The following ERBB4 variants were observed in gnomAD, a reference collection of about 807,000 sequenced individuals.
ERBB4 encodes the protein receptor tyrosine-protein kinase erbB-4.
ERBB4 carries 42 observed loss-of-function variants against 158.0 expected under a neutral mutation model. The observed-to-expected ratio is 0.27, with a 90% CI of 0.21 to 0.34. The LOEUF is 0.34. Ranked by LOEUF, ERBB4 falls within the 10% of genes least tolerant of loss-of-function variation. The probability of loss-of-function intolerance (pLI) is 1.00; values close to 1 mark genes in which losing one functional copy is unlikely to be tolerated. For missense variants in ERBB4, 1,333 were observed against 1,624.1 expected, an observed-to-expected ratio of 0.82 and a Z score of 3.08; for synonymous variants, 583 against 558.7, an observed-to-expected ratio of 1.04 and a Z score of -0.61.
Position 212,381,766 on chromosome 2 carries a change from T to TA in ERBB4, c.82+156682dup, listed in dbSNP as rs1464942893. Among the ~76,000 whole-genome samples the TA allele has an allele frequency of 2.0e-5, 3 of 151,418 alleles. No homozygotes were observed. In the Admixed American group the frequency reaches 2.0e-4, roughly 10 times the overall value. On this transcript the variant is annotated intron_variant, in intron 1 of 27. Transcript: ENST00000342788. ...AATAAATTTATTCATAAATGCATTATATACCCTCACAGATAACCAAGTCTT... is the reference window on the plus strand; with the variant it reads ...AATAAATTTATTCATAAATGCATTATAATACCCTCACAGATAACCAAGTCTT...
rs558336284 is a variant in ERBB4, at chr2:211,842,257, T to G, written c.422-54098A>C. On this transcript the variant is annotated intron_variant, in intron 3 of 27. Transcript: ENST00000342788. ...ACAAAAAGGAATAAGGCTGTTGGGT[T>G]TTTTTTTGGTAGTAATTTCTGGTAG... Among the ~76,000 whole-genome samples the G allele has an allele frequency of 4.6e-5, 7 of 151,714 alleles. No homozygotes were observed. In the South Asian group the frequency reaches 1.0e-3, roughly 23 times the overall value.
At chr2:212,489,724 T>C (rs530434078) in intron 1 of ERBB4, among the ~76,000 whole-genome samples, 14 of 137,622 alleles carry the variant, frequency 1.0e-4, no homozygotes, top group African/African-American at 4.8e-4. Flanking sequence ...AATATATACA[T>C]ATATATATAT....
chr2:211,859,072 G>C (rs2077947437), intron 3 of ERBB4, among the ~76,000 whole-genome samples: 2 of 152,186 alleles, frequency 1.3e-5, no homozygotes, highest in Admixed American at 1.3e-4. Flanking sequence ...ATGAGCCACT[G>C]TGCTTGGCCG....
At chr2:211,679,946 C>T (rs2072266370) in intron 12 of ERBB4, among the ~76,000 whole-genome samples, 1 of 152,200 alleles carries the variant, frequency 6.6e-6, no homozygotes, top group Non-Finnish European at 1.5e-5. Context: ...TCCCAAAGTG[C>T]TGGGATTACA....
At chr2:212,233,959 ATTAT>A (rs1302606463) in intron 1 of ERBB4, among the ~76,000 whole-genome samples, 1 of 113,660 alleles carries the variant, frequency 8.8e-6, no homozygotes, top group East Asian at 2.1e-4. Flanking sequence ...GTCTCTTTGC[ATTAT>A]TTATTATTAT....
At chr2:212,115,054 T>C (rs1384306226) in intron 2 of ERBB4, among the ~76,000 whole-genome samples, 1 of 152,184 alleles carries the variant, frequency 6.6e-6, no homozygotes, top group Non-Finnish European at 1.5e-5. Flanking sequence ...CATATTCTTA[T>C]TTTCAGGTAG....
chr2:212,460,098 C>T (rs1688496661), intron 1 of ERBB4, among the ~76,000 whole-genome samples: 1 of 152,186 alleles, frequency 6.6e-6, no homozygotes, highest in African/African-American at 2.4e-5. Flanking sequence ...GCTCTCTCTC[C>T]TTGCCTGCTG....
chr2:212,360,821 C>A (rs1255897833), intron 1 of ERBB4, among the ~76,000 whole-genome samples: 1 of 151,538 alleles, frequency 6.6e-6, no homozygotes, highest in Non-Finnish European at 1.5e-5. Flanking sequence ...ATGAAAAATT[C>A]AGTGATTTAG....
At chr2:211,459,598 T>C (rs2125498726) in intron 20 of ERBB4, among the ~76,000 whole-genome samples, 1 of 152,316 alleles carries the variant, frequency 6.6e-6, no homozygotes, top group South Asian at 2.1e-4. Flanking sequence ...TCACGAGGTC[T>C]GATGGTTTTA....
Position 211,788,110 on chromosome 2 carries a change from A to G in ERBB4, c.471T>C (p.Tyr157=), listed in dbSNP as rs1383993182. ...TATCTTGCCAATGAATGGTGTCTGC[A>G]TAACAAAGGAATTTGTTCTGGTCTA... The part of the protein sequence containing the change: ...VYVDQNKFLC[Y]ADTIHWQDIV... The change falls in exon 4 of 28, where the codon TAT becomes TAC. Residue 157 remains tyrosine, a synonymous_variant. Transcript: ENST00000342788. 1.2e-6 allele frequency: 2 copies of G among 1,612,600 alleles called. No homozygotes were observed. Among genetic ancestry groups the G allele is most frequent in the Non-Finnish European group, 1.7e-6 (2 of 1,178,816 alleles).
intron 4 of ERBB4, among the ~76,000 whole-genome samples, chr2:211,767,016 G>GGTGTAAA (rs1236549408): frequency 6.6e-6 from 1 of 152,002 alleles, no homozygotes; most frequent in African/African-American, 2.4e-5. Context: ...TCATTAATAG[G>GGTGTAAA]GTGTAAAGCA....
intron 1 of ERBB4, among the ~76,000 whole-genome samples, chr2:212,535,061 A>G (rs1692970010): frequency 6.6e-6 from 1 of 152,160 alleles, no homozygotes. Flanking sequence ...ACATGATTAA[A>G]ATAAATAAAA....
In ERBB4 at chr2:211,712,270, A is replaced by C; in HGVS notation, c.998-94T>G. ...CATTATAAAATAGCAGAGTATTTTT[A>C]ATTGTAACATATAAAATATATTACA... On this transcript the variant is annotated intron_variant, in intron 8 of 27. Transcript: ENST00000342788. 4 of 1,196,606 alleles carry C rather than the reference A, an allele frequency of 3.3e-6. No individual in the cohort carries two copies. In the South Asian group the frequency reaches 3.9e-5, roughly 12 times the overall value. 74.1% of individuals were successfully genotyped at this position (1,196,606 alleles called of 1,614,324 possible). A position where few individuals can be genotyped will look rare whatever the true frequency, so the allele number is the denominator to read the frequency against.
chr2:211,740,622 C>CTTTTTTTTTTTTTTTTTTTTTT (rs1169540948), intron 5 of ERBB4, among the ~76,000 whole-genome samples: 5 of 90,174 alleles, frequency 5.5e-5, no homozygotes, highest in East Asian at 6.6e-4. Context: ...TTTTCTTTGT[C>CTTTTTTTTTTTTTTTTTTTTTT]TTTTTTTTTT....
At chr2:212,518,700 G>A (rs1012858137) in intron 1 of ERBB4, among the ~76,000 whole-genome samples, 4 of 152,000 alleles carry the variant, frequency 2.6e-5, no homozygotes, top group African/African-American at 9.7e-5. Flanking sequence ...AAAACAGACA[G>A]CCCAAGTTGT....
At chr2:211,946,162 T>C (rs2080684170) in intron 3 of ERBB4, among the ~76,000 whole-genome samples, 1 of 152,020 alleles carries the variant, frequency 6.6e-6, no homozygotes, top group African/African-American at 2.4e-5. Context: ...TTCTGAACAA[T>C]TTGCATTCAC....
chr2:212,474,590 G>A (rs1246480515), intron 1 of ERBB4, among the ~76,000 whole-genome samples: 1 of 151,956 alleles, frequency 6.6e-6, no homozygotes, highest in Non-Finnish European at 1.5e-5. Context: ...AACTTTCTGA[G>A]AGTCTTGAGG....
intron 3 of ERBB4, among the ~76,000 whole-genome samples, chr2:211,910,769 A>C (rs2079523024): frequency 6.6e-6 from 1 of 152,138 alleles, no homozygotes; most frequent in Non-Finnish European, 1.5e-5. Context: ...CATTCTTTTA[A>C]ATTAATTTCC....
chr2:212,199,338 T>C (rs1559726471), intron 1 of ERBB4, among the ~76,000 whole-genome samples: 2 of 152,208 alleles, frequency 1.3e-5, no homozygotes, highest in Admixed American at 6.6e-5. Flanking sequence ...AAGGTAATAG[T>C]AGCAGCTTCT....
Sources: allele counts gnomAD v4.1 joint callset (sites outside exome capture counted in the v4.1 genomes callset), GRCh38; gene constraint gnomAD v4.1.1; transcripts MANE v1.5; gene names NCBI Gene and HGNC (gene_info 2026-07-23, HGNC 2026-07-21).